PHTF2: variants seen among roughly 807,000 people sequenced by gnomAD.
PHTF2 encodes protein PHTF2.
In PHTF2, 60 loss-of-function variants were observed where a neutral mutation model predicts 101.2. The observed-to-expected ratio is 0.59, with a 90% CI of 0.48 to 0.73. The LOEUF (loss-of-function observed/expected upper bound fraction) is 0.73. Ranked by LOEUF, PHTF2 falls within the 30% of genes least tolerant of loss-of-function variation. The pLI is 0.00. For synonymous variants in PHTF2, 311 were observed against 307.3 expected (o/e 1.01, Z -0.13); for missense variants, 747 against 908.7 (o/e 0.82, Z 2.29).
chr7:77,923,892 T>G (rs1360474010), intron 11 of PHTF2: 2 of 969,958 alleles, frequency 2.1e-6, no homozygotes, highest in African/African-American at 3.5e-5. Flanking sequence ...GCGCAGAACA[T>G]TATTCTACCT....
chr7:77,829,623 G>T (rs1344663787), intron 1 of PHTF2, among the ~76,000 whole-genome samples: 1 of 152,110 alleles, frequency 6.6e-6, no homozygotes, highest in African/African-American at 2.4e-5. Context: ...TTTAGCTTTT[G>T]TATCATTATG....
intron 2 of PHTF2, among the ~76,000 whole-genome samples, chr7:77,846,766 C>T (rs536563195): frequency 3.3e-5 from 5 of 152,044 alleles, no homozygotes; most frequent in Non-Finnish European, 5.9e-5. Flanking sequence ...CTCAGCCTTC[C>T]GAGTAGCTGG....
chr7:77,927,552 C>T (rs1029381154), intron 11 of PHTF2, among the ~76,000 whole-genome samples: 4 of 150,746 alleles, frequency 2.7e-5, no homozygotes, highest in African/African-American at 7.3e-5. Context: ...GTGAAGATCA[C>T]GTGCCACTGC....
At chr7:77,818,009 C>T (rs1056071638) in intron 1 of PHTF2, among the ~76,000 whole-genome samples, 1 of 151,346 alleles carries the variant, frequency 6.6e-6, no homozygotes, top group Non-Finnish European at 1.5e-5. Context: ...ACTTGGGAGG[C>T]TGAGGCAGGA....
chr7:77,835,419 A>G (rs1440791138), intron 1 of PHTF2, among the ~76,000 whole-genome samples: 1 of 152,182 alleles, frequency 6.6e-6, no homozygotes, highest in African/African-American at 2.4e-5. Context: ...GTGGAAATAC[A>G]TTGTTTTCTG....
rs535952376 is a variant in PHTF2, at chr7:77,938,988, G to C, written c.1468-1042G>C. On this transcript the variant is annotated intron_variant, in intron 13 of 19. Coordinates refer to ENST00000416283, the Ensembl canonical transcript of PHTF2. ...GTGTGAGCAATTAAAAGCAGTTGACGGGGAAGTCTCTGGAATCTTGGATCT... is the reference window on the plus strand; with the variant it reads ...GTGTGAGCAATTAAAAGCAGTTGACCGGGAAGTCTCTGGAATCTTGGATCT... 1.7e-3 allele frequency among the ~76,000 whole-genome samples: 256 copies of C among 152,142 alleles called. 1 individual carries two copies. The highest frequency in any genetic ancestry group is 3.4e-3 in the Middle Eastern group (1 of 294).
intron 2 of PHTF2, among the ~76,000 whole-genome samples, chr7:77,849,587 A>G (rs1412030416): frequency 6.6e-6 from 1 of 152,040 alleles, no homozygotes; most frequent in Admixed American, 6.5e-5. Context: ...TATTTTTTCT[A>G]TTTCTCTGAA....
intron 2 of PHTF2, among the ~76,000 whole-genome samples, chr7:77,853,070 C>A (rs540298796): frequency 7.8e-4 from 119 of 152,202 alleles, no homozygotes; most frequent in African/African-American, 2.7e-3. Flanking sequence ...CTTTGGGTTA[C>A]ATCTGCTTGT....
At chr7:77,883,093 A>G (rs1292099718) in intron 3 of PHTF2, among the ~76,000 whole-genome samples, 2 of 152,140 alleles carry the variant, frequency 1.3e-5, no homozygotes, top group Non-Finnish European at 2.9e-5. Context: ...GAGCAATTTC[A>G]GGATTCAGAG....
chr7:77,937,192 G>A (rs1382391459), intron 12 of PHTF2, among the ~76,000 whole-genome samples: 2 of 152,024 alleles, frequency 1.3e-5, no homozygotes, highest in Admixed American at 6.5e-5. Flanking sequence ...TCTTTTTTGG[G>A]ATAAGACTAG....
chr7:77,911,965 A>G (rs1802438677), intron 9 of PHTF2, among the ~76,000 whole-genome samples: 1 of 152,234 alleles, frequency 6.6e-6, no homozygotes, highest in South Asian at 2.1e-4. Flanking sequence ...GCATTTCCAG[A>G]TAAGCAGTTA....
intron 16 of PHTF2, among the ~76,000 whole-genome samples, chr7:77,948,687 A>G (rs1206230976): frequency 3.9e-5 from 6 of 152,196 alleles, no homozygotes; most frequent in African/African-American, 1.4e-4. Flanking sequence ...TATGAAACAT[A>G]CTGATCCTCC....
At chr7:77,853,467 C>T (rs1796927036) in intron 2 of PHTF2, among the ~76,000 whole-genome samples, 1 of 151,736 alleles carries the variant, frequency 6.6e-6, no homozygotes, top group South Asian at 2.1e-4. Context: ...GATCTCAGCT[C>T]ATTGCAGCCT....
intron 3 of PHTF2, among the ~76,000 whole-genome samples, chr7:77,861,999 G>T (rs1797682721): frequency 6.6e-6 from 1 of 151,424 alleles, no homozygotes; most frequent in African/African-American, 2.4e-5. Context: ...GGAGGTTGCA[G>T]TGAGCCAAGA....
intron 9 of PHTF2, among the ~76,000 whole-genome samples, chr7:77,919,129 A>C (rs1239485074): frequency 1.3e-5 from 2 of 149,844 alleles, no homozygotes; most frequent in Non-Finnish European, 2.9e-5. Flanking sequence ...CTTTGCTTCT[A>C]ACTGACTGCA....
chr7:77,862,287 C>T (rs1797712359), intron 3 of PHTF2, among the ~76,000 whole-genome samples: 1 of 152,012 alleles, frequency 6.6e-6, no homozygotes, highest in Non-Finnish European at 1.5e-5. Context: ...TACATTTCTA[C>T]ATTTTTAACA....
chr7:77,841,104 A>ATC (rs1167733760), intron 2 of PHTF2, among the ~76,000 whole-genome samples: 2 of 44,842 alleles, frequency 4.5e-5, no homozygotes, highest in South Asian at 5.5e-4. Flanking sequence ...TTGAGATGGA[A>ATC]TCTCTCTCTC....
intron 5 of PHTF2, among the ~76,000 whole-genome samples, 174 bp downstream of exon 4, chr7:77,894,167 T>C (rs2150803082): frequency 6.6e-6 from 1 of 152,306 alleles, no homozygotes; most frequent in East Asian, 1.9e-4. Flanking sequence ...TTAAAATGTT[T>C]TTGTAGTAGG....
chr7:77,841,339 C>T (rs894732816), intron 2 of PHTF2, among the ~76,000 whole-genome samples: 1 of 152,076 alleles, frequency 6.6e-6, no homozygotes, highest in African/African-American at 2.4e-5. Context: ...CTCAGCCTCC[C>T]AAAGTGCTAG....
Sources: gnomAD v4.1 joint callset for allele counts (sites outside exome capture counted in the v4.1 genomes callset) on GRCh38, gnomAD v4.1.1 for gene constraint, MANE v1.5 for transcripts, NCBI Gene and HGNC (gene_info 2026-07-23, HGNC 2026-07-21) for gene names.